Variants in CHRM2 observed in about 807,000 individuals in gnomAD.
CHRM2 encodes the protein cholinergic receptor muscarinic 2.
A neutral mutation model predicts 25.0 loss-of-function variants in CHRM2; 8 were observed. The ratio of observed to expected loss-of-function variants is 0.32; its 90% CI spans 0.19 to 0.58. The LOEUF (loss-of-function observed/expected upper bound fraction) is 0.58, where lower values mean the gene tolerates loss of function less well. Ranked by LOEUF, CHRM2 falls within the 20% of genes least tolerant of loss-of-function variation. The pLI is 0.88. For synonymous variants in CHRM2, 202 were observed against 205.7 expected, an observed-to-expected ratio of 0.98 and a Z score of 0.15; for missense variants, 440 against 567.1, an observed-to-expected ratio of 0.78 and a Z score of 2.28.
chr7:136,945,325 T>C (rs1323237380), intron 2 of CHRM2, among the ~76,000 whole-genome samples: 1 of 152,120 alleles, frequency 6.6e-6, no homozygotes, highest in Non-Finnish European at 1.5e-5. Context: ...CTAGAAGGGC[T>C]TTTCCAATGT....
At chr7:136,935,423 C>T (rs555444969) in intron 2 of CHRM2, among the ~76,000 whole-genome samples, 1 of 152,212 alleles carries the variant, frequency 6.6e-6, no homozygotes, top group Non-Finnish European at 1.5e-5. Flanking sequence ...TGAAATCAAG[C>T]TGGATTTCAT....
At chr7:136,872,259 G>T (rs1003815940) in intron 2 of CHRM2, among the ~76,000 whole-genome samples, 3 of 152,134 alleles carry the variant, frequency 2.0e-5, no homozygotes, top group Non-Finnish European at 4.4e-5. Context: ...AGGTGGATTT[G>T]AATACTGTCA....
intron 2 of CHRM2, among the ~76,000 whole-genome samples, chr7:136,978,250 T>C (rs949868730): frequency 3.9e-5 from 6 of 152,178 alleles, no homozygotes; most frequent in African/African-American, 1.4e-4. Context: ...AAAAGAATTA[T>C]TGGAATGTTT....
intron 3 of CHRM2, among the ~76,000 whole-genome samples, chr7:137,010,743 G>A (rs1023488083): frequency 2.0e-5 from 3 of 151,944 alleles, no homozygotes; most frequent in Non-Finnish European, 4.4e-5. Flanking sequence ...TAGCAACTAA[G>A]TTTGTTAACA....
chr7:136,959,496 G>A (rs1800933760), intron 2 of CHRM2, among the ~76,000 whole-genome samples: 1 of 152,226 alleles, frequency 6.6e-6, no homozygotes, highest in Non-Finnish European at 1.5e-5. Flanking sequence ...TATCAGTAGA[G>A]TTTAAAAGTA....
At chr7:136,900,270 C>A (rs563555474) in intron 2 of CHRM2, among the ~76,000 whole-genome samples, 9 of 152,122 alleles carry the variant, frequency 5.9e-5, no homozygotes, top group African/African-American at 2.2e-4. Flanking sequence ...AAACAAAGAC[C>A]CTTAAACAGT....
At chr7:136,972,393 T>C (rs957326279) in intron 2 of CHRM2, among the ~76,000 whole-genome samples, 2 of 152,322 alleles carry the variant, frequency 1.3e-5, no homozygotes, top group South Asian at 4.1e-4. Flanking sequence ...TATATTACTT[T>C]ATATATCTTG....
Position 136,982,377 on chromosome 7 carries a change from C to T in CHRM2, c.-124-9810C>T, listed in dbSNP as rs548110143. Among the ~76,000 whole-genome samples the T allele has an allele frequency of 6.5e-4, 99 of 152,188 alleles. 1 individual carries two copies. Among genetic ancestry groups the T allele is most frequent in the African/African-American group, 6.3e-4 (26 of 41,532 alleles). On this transcript the variant is annotated intron_variant, in intron 2 of 3. Transcript: ENST00000680005. ...GGGTCTCCTGAATACAGCACATCAA[C>T]GGATGTTGACTCTTTATCCAATTTG...
At chr7:136,911,117 AT>A (rs1313066590) in intron 2 of CHRM2, among the ~76,000 whole-genome samples, 2 of 151,712 alleles carry the variant, frequency 1.3e-5, no homozygotes, top group Non-Finnish European at 1.5e-5. Context: ...TTAGTGAGTA[AT>A]TTTTTTTATT....
chr7:137,012,709 T>G (rs1804903347), intron 3 of CHRM2, among the ~76,000 whole-genome samples: 2 of 151,924 alleles, frequency 1.3e-5, no homozygotes, highest in African/African-American at 4.8e-5. Context: ...TATCTCGGGA[T>G]TTTTTTGCTA....
intron 2 of CHRM2, among the ~76,000 whole-genome samples, chr7:136,959,980 ATAG>A (rs1800970851): frequency 6.6e-6 from 1 of 152,166 alleles, no homozygotes; most frequent in Admixed American, 6.5e-5. Context: ...CTGATTCTAA[ATAG>A]TACAGCCTCA....
intron 2 of CHRM2, among the ~76,000 whole-genome samples, chr7:136,972,553 A>C (rs549687302): frequency 1.3e-5 from 2 of 152,152 alleles, no homozygotes; most frequent in African/African-American, 4.8e-5. Context: ...TTTCTTATGA[A>C]AGAAAAAAAA....
At chr7:136,894,976 C>T (rs1210017461) in intron 2 of CHRM2, among the ~76,000 whole-genome samples, 1 of 151,998 alleles carries the variant, frequency 6.6e-6, no homozygotes, top group Non-Finnish European at 1.5e-5. Context: ...TTGTTTCTTT[C>T]CCCCGAGTCA....
intron 2 of CHRM2, chr7:136,908,094 A>C (rs1797652741): frequency 6.6e-6 from 1 of 151,940 alleles, no homozygotes; most frequent in Admixed American, 6.6e-5. Flanking sequence ...AATAATAAAA[A>C]TCATACCCAT....
chr7:136,917,501 C>T (rs569404227), intron 2 of CHRM2, among the ~76,000 whole-genome samples: 60 of 152,084 alleles, frequency 3.9e-4, no homozygotes, highest in African/African-American at 1.2e-3. Context: ...GAGAGATCAA[C>T]GGGCTATGTC....
At chr7:136,881,158 A>C (rs1160021204) in intron 2 of CHRM2, among the ~76,000 whole-genome samples, 1 of 148,648 alleles carries the variant, frequency 6.7e-6, no homozygotes, top group Non-Finnish European at 1.5e-5. Context: ...ACTCCTGACA[A>C]CCACTGATTT....
chr7:136,920,593 C>T (rs1400047518), intron 2 of CHRM2, among the ~76,000 whole-genome samples: 2 of 152,128 alleles, frequency 1.3e-5, no homozygotes, highest in Non-Finnish European at 2.9e-5. Context: ...TTTGCCCTTA[C>T]AGGCTGGGCC....
chr7:137,001,367 A>G (rs1451908235), intron 3 of CHRM2, among the ~76,000 whole-genome samples: 1 of 152,206 alleles, frequency 6.6e-6, no homozygotes. Flanking sequence ...TTTGAGCTTT[A>G]CAGTGGGCTT....
chr7:137,003,327 A>G (rs532771265), intron 3 of CHRM2, among the ~76,000 whole-genome samples: 52 of 152,284 alleles, frequency 3.4e-4, no homozygotes, highest in African/African-American at 1.2e-3. Context: ...CTTGTACAGC[A>G]TGTTGTCACA....
Sources: gnomAD v4.1 joint callset for allele counts (sites outside exome capture counted in the v4.1 genomes callset) on GRCh38, gnomAD v4.1.1 for gene constraint, MANE v1.5 for transcripts, NCBI Gene and HGNC (gene_info 2026-07-23, HGNC 2026-07-21) for gene names.